The following PHF24 variants were observed in gnomAD, a reference collection of about 807,000 sequenced individuals.
The protein encoded by PHF24 is Galpha inhibitory interacting protein.
Under a neutral mutation model 42.6 loss-of-function variants are expected in PHF24, and 25 were observed. That is an observed-to-expected ratio of 0.59 (90% CI 0.43 to 0.82). The LOEUF (loss-of-function observed/expected upper bound fraction) is 0.82, where lower values mean the gene tolerates loss of function less well. Ranked by LOEUF, PHF24 falls within the 40% of genes least tolerant of loss-of-function variation. The pLI, the probability that PHF24 is intolerant of heterozygous loss-of-function variation, is 0.00. For missense variants in PHF24, 470 were observed against 538.1 expected (o/e 0.87, Z 1.25); for synonymous variants, 185 against 204.8 (o/e 0.90, Z 0.83).
chr9:34,713,966 C>T, the PHF24 span, among the ~76,000 whole-genome samples: 1 of 152,006 alleles, frequency 6.6e-6, no homozygotes, highest in African/African-American at 2.4e-5. Context: ...TTGGGTTGCT[C>T]TTGGGGAAGG....
At chr9:34,958,205 G>C (rs1430631278), upstream of PHF24, 1 of 153,518 alleles carries the variant, frequency 6.5e-6, no homozygotes, top group African/African-American at 2.5e-5. This position sits in a 1 kb window ranked among gnomAD's most constrained non-coding sequence, Gnocchi z 4.5. Context: ...CCCGGGGCGG[G>C]TGGGTGTGCT....
the PHF24 span, among the ~76,000 whole-genome samples, chr9:34,775,090 A>G: frequency 6.6e-6 from 1 of 152,210 alleles, no homozygotes; most frequent in East Asian, 1.9e-4. Context: ...GAACTTGAAG[A>G]GATATTCGTA....
At chr9:34,726,336 A>G in the PHF24 span, 2 of 1,545,364 alleles carry the variant, frequency 1.3e-6, no homozygotes, top group Non-Finnish European at 1.7e-6. Context: ...AAATGCATCC[A>G]TTTTTTAACA....
the PHF24 span, among the ~76,000 whole-genome samples, chr9:34,773,998 G>T: frequency 6.6e-6 from 1 of 152,158 alleles, no homozygotes; most frequent in Non-Finnish European, 1.5e-5. Context: ...GTATATTGAT[G>T]ATAGCAAATG....
chr9:34,923,142 A>C, the PHF24 span, among the ~76,000 whole-genome samples: 73 of 150,174 alleles, frequency 4.9e-4, no homozygotes, highest in African/African-American at 1.6e-3. Flanking sequence ...TTTGTCCTTC[A>C]TTCTGTTGAT....
At chr9:34,966,333 TC>T (rs1826766148) in intron 1 of PHF24, among the ~76,000 whole-genome samples, 1 of 152,148 alleles carries the variant, frequency 6.6e-6, no homozygotes, top group African/African-American at 2.4e-5. Context: ...GAACCTATAA[TC>T]CTAGCTACTT....
the PHF24 span, among the ~76,000 whole-genome samples, chr9:34,780,990 A>G: frequency 2.6e-5 from 4 of 152,232 alleles, no homozygotes; most frequent in African/African-American, 9.6e-5. Flanking sequence ...AACAATTATT[A>G]ATGAGGATGT....
chr9:34,891,915 A>T, the PHF24 span, among the ~76,000 whole-genome samples: 3 of 152,146 alleles, frequency 2.0e-5, no homozygotes, highest in African/African-American at 2.4e-5. Flanking sequence ...TAGGACATTG[A>T]TCTGGATTTG....
At chr9:34,918,034 C>A in the PHF24 span, 1 of 1,275,160 alleles carries the variant, frequency 7.8e-7, no homozygotes, top group Non-Finnish European at 1.1e-6. Flanking sequence ...CACATCTGTG[C>A]CTGTGATCCC....
chr9:34,873,570 G>T, the PHF24 span, among the ~76,000 whole-genome samples: 2 of 151,952 alleles, frequency 1.3e-5, no homozygotes, highest in Non-Finnish European at 2.9e-5. Flanking sequence ...CTATATCTCT[G>T]TTTTGGTAAC....
the PHF24 span, among the ~76,000 whole-genome samples, chr9:34,796,402 A>C: frequency 7.2e-6 from 1 of 139,038 alleles, no homozygotes; most frequent in Non-Finnish European, 1.6e-5. Flanking sequence ...CTTCATTGCA[A>C]AAGACATTGT....
chr9:34,878,523 G>A, the PHF24 span, among the ~76,000 whole-genome samples: 1 of 152,192 alleles, frequency 6.6e-6, no homozygotes, highest in African/African-American at 2.4e-5. Flanking sequence ...CCCTAATACT[G>A]TGCTTTTCCA....
the PHF24 span, among the ~76,000 whole-genome samples, chr9:34,675,307 G>A: frequency 6.6e-6 from 1 of 152,192 alleles, no homozygotes; most frequent in Non-Finnish European, 1.5e-5. Context: ...AGCATACGGG[G>A]AAAATGGAGT....
the PHF24 span, among the ~76,000 whole-genome samples, chr9:34,768,777 T>C: frequency 6.6e-6 from 1 of 151,926 alleles, no homozygotes; most frequent in African/African-American, 2.4e-5. Flanking sequence ...CAGGAAGAAA[T>C]TGAAAGCATT....
chr9:34,919,987 T>G, the PHF24 span, among the ~76,000 whole-genome samples: 1 of 152,334 alleles, frequency 6.6e-6, no homozygotes, highest in Admixed American at 6.5e-5. Flanking sequence ...AAATCTTGGC[T>G]ATTGTGAATA....
At chr9:34,953,144 T>C (rs1245689657), upstream of PHF24, among the ~76,000 whole-genome samples, 1 of 152,120 alleles carries the variant, frequency 6.6e-6, no homozygotes, top group Non-Finnish European at 1.5e-5. This position sits in a 1 kb window ranked among gnomAD's most constrained non-coding sequence, Gnocchi z 4.1. Flanking sequence ...AATTAAAAAC[T>C]TTGCTCTGCA....
chr9:34,817,007 G>A, the PHF24 span, among the ~76,000 whole-genome samples: 5 of 152,274 alleles, frequency 3.3e-5, no homozygotes, highest in African/African-American at 1.2e-4. Flanking sequence ...GATCCTCTCA[G>A]GTTGTGTATA....
chr9:34,840,539 C>CCTT, the PHF24 span, among the ~76,000 whole-genome samples: 50 of 139,504 alleles, frequency 3.6e-4, 1 homozygote, highest in Admixed American at 5.8e-4. Flanking sequence ...TCTTCTCCTT[C>CCTT]CTTCTTCTTC....
the PHF24 span, chr9:34,728,651 G>T: frequency 6.4e-7 from 1 of 1,551,454 alleles, no homozygotes; most frequent in South Asian, 1.2e-5. Flanking sequence ...ACTTTTTGGT[G>T]ACACTTAGAA....
Sources: allele counts gnomAD v4.1 joint callset (sites outside exome capture counted in the v4.1 genomes callset), GRCh38; gene constraint gnomAD v4.1.1; non-coding constraint Gnocchi (gnomAD v3.1); transcripts MANE v1.5; gene names NCBI Gene and HGNC (gene_info 2026-07-23, HGNC 2026-07-21).